The following HEATR5B variants were observed in gnomAD, a reference collection of about 807,000 sequenced individuals.
HEATR5B encodes the protein HEAT repeat containing 5B, also known as HEAT repeat-containing protein 5B.
Under a neutral mutation model 224.1 loss-of-function variants are expected in HEATR5B, and 156 were observed. That is an observed-to-expected ratio of 0.70 (90% CI 0.61 to 0.80). The LOEUF (loss-of-function observed/expected upper bound fraction) is 0.80, where lower values mean the gene tolerates loss of function less well. HEATR5B is among the 30% of genes least tolerant of loss of function. The pLI, the probability that HEATR5B is intolerant of heterozygous loss-of-function variation, is 0.00. For synonymous variants in HEATR5B, 1,027 were observed against 893.0 expected, an observed-to-expected ratio of 1.15 and a Z score of -2.68; for missense variants, 2,323 against 2,535.5, an observed-to-expected ratio of 0.92 and a Z score of 1.80.
intron 33 of HEATR5B, among the ~76,000 whole-genome samples, chr2:36,998,429 T>C (rs1666869553): frequency 6.6e-6 from 1 of 152,150 alleles, no homozygotes; most frequent in Non-Finnish European, 1.5e-5. Context: ...AAAATACAGA[T>C]TATCATGCTC....
At chr2:36,988,893 T>C (rs1666130909) in intron 34 of HEATR5B, 34 bp from the exon 35 acceptor site, 5 of 1,479,330 alleles carry the variant, frequency 3.4e-6, no homozygotes, top group African/African-American at 1.4e-5. Flanking sequence ...AATTAACATG[T>C]GTATAGTTCT....
In HEATR5B at chr2:37,014,775, G is replaced by C. The variant is rs923417721; in HGVS notation, c.4105-755C>G. On this transcript the variant is annotated intron_variant, in intron 26 of 35. Coordinates refer to ENST00000233099, the MANE Select transcript of HEATR5B (RefSeq NM_019024.3). Reference sequence around the variant, plus strand: ...AGGCGGATCACGAGGTCAGGAGATTGAGACCATCCTGACCAACATGGTGAA... The same window carrying C: ...AGGCGGATCACGAGGTCAGGAGATTCAGACCATCCTGACCAACATGGTGAA... Among the ~76,000 whole-genome samples the C allele has an allele frequency of 1.3e-5, 2 of 151,034 alleles. 1 individual carries two copies.
chr2:37,017,079 G>C (rs370203915), intron 26 of HEATR5B, among the ~76,000 whole-genome samples: 3 of 152,148 alleles, frequency 2.0e-5, no homozygotes, highest in African/African-American at 7.2e-5. Context: ...ATAAAGATTA[G>C]GAATTTGGCA....
intron 14 of HEATR5B, among the ~76,000 whole-genome samples, chr2:37,058,221 A>G (rs1432783482): frequency 6.6e-6 from 1 of 152,148 alleles, no homozygotes; most frequent in Non-Finnish European, 1.5e-5. Flanking sequence ...AAATAGGGCT[A>G]AAGGCCTCAT....
At position 37,057,401 on chromosome 2, in the gene HEATR5B, G is replaced by A. The variant is rs977305770; in HGVS notation, c.2139C>T (p.Leu713=). The A allele has an allele frequency of 5.0e-6, 8 of 1,612,308 alleles. No homozygotes were observed. The highest frequency in any genetic ancestry group is 6.8e-6 in the Non-Finnish European group (8 of 1,179,098). ...TDNSANTTTS[L]LRSLCHYDDS... The stretch of plus-strand genomic sequence containing the variant: ...CATCATAATGGCAGAGGGATCTGAG[G>A]AGGGAAGTAGTTGTGTTGGCTGAGT... The change falls in exon 15 of 36, where the codon CTC becomes CTT. Residue 713 remains leucine (L), a synonymous_variant. Coordinates refer to ENST00000233099, the MANE Select transcript of HEATR5B (RefSeq NM_019024.3).
intron 16 of HEATR5B, among the ~76,000 whole-genome samples, chr2:37,054,502 G>C (rs1448140879): frequency 1.5e-4 from 5 of 34,148 alleles, no homozygotes; most frequent in Non-Finnish European, 2.2e-4. Context: ...TTTTTTTTTT[G>C]AGACTGAGTT....
chr2:37,055,994 G>A (rs761293716), intron 16 of HEATR5B, among the ~76,000 whole-genome samples: 24 of 152,124 alleles, frequency 1.6e-4, no homozygotes, highest in Non-Finnish European at 3.4e-4. Flanking sequence ...TCTCACAAAC[G>A]TTATTAGTGA....
rs756157250 is a variant in HEATR5B, at chr2:37,003,592, T to C, written c.5000A>G (p.Gln1667Arg). 6.2e-7 allele frequency: 1 copy of C among 1,612,594 alleles called. No homozygotes were observed. Among genetic ancestry groups the C allele is most frequent in the South Asian group, 1.1e-5 (1 of 90,988 alleles). Reference protein sequence around the residue: ...VQLLVTGVVQQIVRAAQDYLQ... With the variant: ...VQLLVTGVVQRIVRAAQDYLQ... ...ATAATCCTGAGCAGCTCTTACTATC[T>C]GTTGTACAACTCCAGTAACCAACAG... Residue 1667 changes from glutamine to arginine, a missense_variant, in exon 31 of 36, where the codon CAG becomes CGG. Gln to Arg is a conservative substitution (Grantham distance 43). Around this residue, in one of 12 missense-constraint regions of HEATR5B, gnomAD observed 844 missense variants for 812.9 expected, o/e 1.04. Coordinates refer to ENST00000233099, the MANE Select transcript of HEATR5B (RefSeq NM_019024.3).
intron 16 of HEATR5B, among the ~76,000 whole-genome samples, chr2:37,055,712 C>T (rs145681792): frequency 6.6e-6 from 1 of 152,310 alleles, no homozygotes; most frequent in Non-Finnish European, 1.5e-5. Context: ...AATTCTCTTG[C>T]CTTAGCCTCC....
At chr2:36,991,075 C>T (rs1299062601) in intron 33 of HEATR5B, among the ~76,000 whole-genome samples, 3 of 152,112 alleles carry the variant, frequency 2.0e-5, no homozygotes, top group Admixed American at 6.6e-5. Flanking sequence ...CCACAGACAA[C>T]TGTAAGAAGT....
intron 8 of HEATR5B, among the ~76,000 whole-genome samples, chr2:37,066,988 C>G (rs2541001): frequency 0.14 from 20,990 of 151,872 alleles, 2,204 homozygotes; most frequent in African/African-American, 0.3. Flanking sequence ...TCCCAACTCA[C>G]CCTCCTGAGT....
chr2:37,015,932 T>C (rs537883271), intron 26 of HEATR5B, among the ~76,000 whole-genome samples: 28 of 151,876 alleles, frequency 1.8e-4, no homozygotes, highest in Admixed American at 1.6e-3. Flanking sequence ...AGATGGAACA[T>C]AGTTACAATT....
At chr2:37,003,180 G>A (rs1667198337) in intron 31 of HEATR5B, among the ~76,000 whole-genome samples, 1 of 149,796 alleles carries the variant, frequency 6.7e-6, no homozygotes, top group Non-Finnish European at 1.5e-5. Context: ...ACCTGATCCT[G>A]GGAGTTTGAG....
intron 21 of HEATR5B, among the ~76,000 whole-genome samples, chr2:37,034,332 G>A (rs1572854505): frequency 2.1e-5 from 3 of 143,920 alleles, no homozygotes; most frequent in Admixed American, 6.8e-5. Flanking sequence ...AGACATCGCC[G>A]GCCGGGCGCG....
At chr2:37,048,663 G>A (rs984240897) in intron 18 of HEATR5B, among the ~76,000 whole-genome samples, 17 of 152,008 alleles carry the variant, frequency 1.1e-4, no homozygotes, top group African/African-American at 4.1e-4. Context: ...CATAATCAAT[G>A]GCAAATATTT....
intron 22 of HEATR5B, 60 bp downstream of exon 22, chr2:37,032,569 C>T: frequency 7.2e-7 from 1 of 1,395,604 alleles, no homozygotes; most frequent in South Asian, 1.3e-5. Context: ...ATAAATAGTA[C>T]TTAACTGAAA....
intron 18 of HEATR5B, among the ~76,000 whole-genome samples, chr2:37,043,680 T>C (rs946788629): frequency 3.3e-5 from 5 of 152,230 alleles, no homozygotes; most frequent in Non-Finnish European, 7.3e-5. Flanking sequence ...TTCATTGACA[T>C]GGTTAAATTC....
intron 6 of HEATR5B, among the ~76,000 whole-genome samples, chr2:37,071,388 A>T (rs1671896806): frequency 6.6e-6 from 1 of 152,230 alleles, no homozygotes; most frequent in African/African-American, 2.4e-5. Context: ...AAGCAAAGCA[A>T]GAGTAATTTG....
chr2:37,060,810 AAC>A, intron 11 of HEATR5B, 77 bp from the exon 12 acceptor site: 1 of 1,207,168 alleles, frequency 8.3e-7, no homozygotes, highest in Non-Finnish European at 1.2e-6. Context: ...AAATGAGCCC[AAC>A]ACAAACTTTA....
Sources: gnomAD v4.1 joint callset for allele counts (sites outside exome capture counted in the v4.1 genomes callset) on GRCh38, gnomAD v4.1.1 for gene constraint, gnomAD v4.1.1 regional missense constraint, MANE v1.5 for transcripts, NCBI Gene and HGNC (gene_info 2026-07-23, HGNC 2026-07-21) for gene names.